DGKH: variants seen among roughly 807,000 people sequenced by gnomAD.
DGKH encodes DAG kinase eta.
DGKH carries 90 observed loss-of-function variants against 159.3 expected under a neutral mutation model. The ratio of observed to expected loss-of-function variants is 0.57; its 90% CI spans 0.48 to 0.67. The LOEUF is 0.67. Among genes scored for constraint, DGKH ranks in the 30% least tolerant of loss-of-function variants. The probability of loss-of-function intolerance (pLI) is 0.00; values close to 1 mark genes in which losing one functional copy is unlikely to be tolerated. For missense variants in DGKH, 1,181 were observed against 1,506.1 expected, an observed-to-expected ratio of 0.78 and a Z score of 3.57; for synonymous variants, 536 against 553.8, an observed-to-expected ratio of 0.97 and a Z score of 0.45.
At chr13:42,188,350 G>A (rs1482686328) in intron 14 of DGKH, among the ~76,000 whole-genome samples, 1 of 152,070 alleles carries the variant, frequency 6.6e-6, no homozygotes, top group Non-Finnish European at 1.5e-5. Flanking sequence ...AAGAAACAAG[G>A]GCTTGCCTAG....
At chr13:42,248,100 C>G (rs934390953) in intron 29 of DGKH, among the ~76,000 whole-genome samples, 10 of 152,154 alleles carry the variant, frequency 6.6e-5, no homozygotes, top group Non-Finnish European at 1.3e-4. Context: ...TCACCCAAGG[C>G]AACTTCCAGT....
chr13:42,099,462 G>T (rs1954612346), intron 1 of DGKH, among the ~76,000 whole-genome samples: 1 of 152,194 alleles, frequency 6.6e-6, no homozygotes, highest in African/African-American at 2.4e-5. Flanking sequence ...GTCTGTGGCA[G>T]CATGGAGGAT....
intron 7 of DGKH, among the ~76,000 whole-genome samples, chr13:42,162,249 G>T: frequency 6.6e-6 from 1 of 152,282 alleles, no homozygotes; most frequent in South Asian, 2.1e-4. Context: ...AGTGGCTCAT[G>T]CCTGTAATCC....
chr13:42,198,307 C>CA (rs909337984), intron 17 of DGKH, among the ~76,000 whole-genome samples, 171 bp from the exon 18 acceptor site: 28 of 152,174 alleles, frequency 1.8e-4, no homozygotes, highest in Non-Finnish European at 3.5e-4. Context: ...GCCTTGTACT[C>CA]ACAAATGTCA....
At chr13:42,054,800 A>G (rs546887481) in intron 1 of DGKH, among the ~76,000 whole-genome samples, 2 of 152,354 alleles carry the variant, frequency 1.3e-5, no homozygotes, top group South Asian at 4.1e-4. Flanking sequence ...GCTTGATTTA[A>G]TCATTTCACA....
intron 17 of DGKH, among the ~76,000 whole-genome samples, chr13:42,196,817 A>G (rs1227115880): frequency 6.6e-6 from 1 of 152,250 alleles, no homozygotes; most frequent in Non-Finnish European, 1.5e-5. Context: ...TTAAAAGAAA[A>G]AAAGAAAGAT....
chr13:42,154,840 A>T (rs1159733974), intron 3 of DGKH, among the ~76,000 whole-genome samples: 1 of 152,042 alleles, frequency 6.6e-6, no homozygotes, highest in Non-Finnish European at 1.5e-5. Context: ...AGAGATCCAG[A>T]CCATCCTGGC....
At chr13:42,170,728 A>C (rs1358765292) in intron 11 of DGKH, among the ~76,000 whole-genome samples, 1 of 152,190 alleles carries the variant, frequency 6.6e-6, no homozygotes, top group African/African-American at 2.4e-5. Flanking sequence ...GAATTACCTG[A>C]GGTCAGGAGT....
intron 3 of DGKH, among the ~76,000 whole-genome samples, chr13:42,152,269 T>A (rs747015882): frequency 6.6e-6 from 1 of 152,140 alleles, no homozygotes; most frequent in Non-Finnish European, 1.5e-5. Flanking sequence ...ACAATGTGGA[T>A]TGACTAAACA....
chr13:42,179,678 G>A (rs1253102832), intron 13 of DGKH, among the ~76,000 whole-genome samples: 3 of 151,816 alleles, frequency 2.0e-5, no homozygotes, highest in African/African-American at 7.3e-5. Context: ...TTCTCAGGAG[G>A]CTGAGGTGGG....
At chr13:42,040,758 G>A (rs947955615) in intron 1 of DGKH, among the ~76,000 whole-genome samples, 2 of 148,524 alleles carry the variant, frequency 1.3e-5, no homozygotes, top group Admixed American at 6.7e-5. Context: ...GGGGAGCCGG[G>A]GCGGCGGCGG....
chr13:42,172,215 G>A (rs1328773585), intron 11 of DGKH, among the ~76,000 whole-genome samples: 2 of 149,210 alleles, frequency 1.3e-5, no homozygotes, highest in Non-Finnish European at 3.0e-5. Flanking sequence ...ACATTCAAGC[G>A]ATACTCCTGC....
chr13:42,217,010 T>C (rs1957816498), intron 26 of DGKH, among the ~76,000 whole-genome samples: 1 of 152,218 alleles, frequency 6.6e-6, no homozygotes, highest in Admixed American at 6.5e-5. Context: ...GGACTTTCCT[T>C]CTCCACTTTT....
At chr13:42,127,794 A>G (rs1421070126) in intron 2 of DGKH, among the ~76,000 whole-genome samples, 3 of 152,200 alleles carry the variant, frequency 2.0e-5, no homozygotes, top group Admixed American at 2.0e-4. Flanking sequence ...GCTCTAGTGT[A>G]GTTTCATTTC....
chr13:42,253,760 T>C (rs960803166), intron 30 of DGKH, among the ~76,000 whole-genome samples: 6 of 152,378 alleles, frequency 3.9e-5, no homozygotes, highest in African/African-American at 1.4e-4. Flanking sequence ...GCCTTCATTT[T>C]GTTTTATCCT....
intron 26 of DGKH, 97 bp from the exon 27 acceptor site, chr13:42,219,133 A>G: frequency 6.8e-7 from 1 of 1,464,022 alleles, no homozygotes; most frequent in South Asian, 1.4e-5. Context: ...CTTAATAAGG[A>G]GTGAGGCTGT....
At chr13:42,175,056 G>T (rs9590675) in intron 12 of DGKH, among the ~76,000 whole-genome samples, 65,436 of 151,978 alleles carry the variant, frequency 0.43, 14,375 homozygotes, top group Admixed American at 0.55. Context: ...CAAAGGATTA[G>T]TCTCTGACTC....
chr13:42,254,233 G>T (rs975827114), intron 30 of DGKH, among the ~76,000 whole-genome samples: 1 of 152,208 alleles, frequency 6.6e-6, no homozygotes, highest in African/African-American at 2.4e-5. Context: ...AGTGTGGCAT[G>T]AGATAGTGAA....
At chr13:42,172,174 A>G (rs1048016445) in intron 11 of DGKH, among the ~76,000 whole-genome samples, 1 of 151,450 alleles carries the variant, frequency 6.6e-6, no homozygotes, top group Non-Finnish European at 1.5e-5. Flanking sequence ...GCTGGAGTTC[A>G]GTGGCACAAT....
Sources: allele counts gnomAD v4.1 joint callset (sites outside exome capture counted in the v4.1 genomes callset), GRCh38; gene constraint gnomAD v4.1.1; transcripts MANE v1.5; gene names NCBI Gene and HGNC (gene_info 2026-07-23, HGNC 2026-07-21).